The following RHOA variants were observed in gnomAD, a reference collection of about 807,000 sequenced individuals.
The protein encoded by RHOA is ras homolog family member A, also known as transforming protein RhoA.
A neutral mutation model predicts 17.5 loss-of-function variants in RHOA; 3 were observed. The ratio of observed to expected loss-of-function variants is 0.17; its 90% CI spans 0.08 to 0.44. The LOEUF (loss-of-function observed/expected upper bound fraction) is 0.44, where lower values mean the gene tolerates loss of function less well. Among genes scored for constraint, RHOA ranks in the 20% least tolerant of loss-of-function variants. The pLI is 0.99. For missense variants in RHOA, 56 were observed against 242.3 expected, an observed-to-expected ratio of 0.23 and a Z score of 5.10; for synonymous variants, 98 against 88.4, an observed-to-expected ratio of 1.11 and a Z score of -0.61.
At chr3:49,407,011 C>CA (rs982564275) in intron 1 of RHOA, among the ~76,000 whole-genome samples, 3 of 151,032 alleles carry the variant, frequency 2.0e-5, no homozygotes, top group Non-Finnish European at 3.0e-5. Flanking sequence ...GGCATGGTCA[C>CA]ACACACACAC....
chr3:49,407,240 T>G lies in RHOA; in HGVS notation c.-3+4580A>C, dbSNP rs976225843. Among the ~76,000 whole-genome samples, 3 of 139,176 alleles carry G rather than the reference T, an allele frequency of 2.2e-5. 1 individual carries two copies. Among genetic ancestry groups the G allele is most frequent in the Non-Finnish European group, 4.7e-5 (3 of 63,672 alleles). The allele number at this position is 139,176 out of a possible 152,430, so 91.3% of individuals were successfully genotyped here. On this transcript the variant is annotated intron_variant, in intron 1 of 4. Coordinates refer to ENST00000418115, the MANE Select transcript of RHOA (RefSeq NM_001664.4). The stretch of plus-strand genomic sequence containing the variant: ...ATTATGAAATCCTTTCCGTTTTTTT[T>G]TTTTTTTTTTTTTTTTTGAGTCTTG...
intron 1 of RHOA, among the ~76,000 whole-genome samples, chr3:49,385,506 G>A (rs914586006): frequency 3.3e-5 from 5 of 151,862 alleles, no homozygotes; most frequent in Non-Finnish European, 7.4e-5. Flanking sequence ...ATGAGCCACC[G>A]CACCCAGCCC....
At chr3:49,405,306 T>C (rs2107908943) in intron 1 of RHOA, among the ~76,000 whole-genome samples, 1 of 148,056 alleles carries the variant, frequency 6.8e-6, no homozygotes, top group Non-Finnish European at 1.5e-5. Flanking sequence ...GTGACATGCC[T>C]GTAAACCCCA....
At chr3:49,373,334 ACT>A (rs1223779606) in intron 2 of RHOA, 1 of 194,074 alleles carries the variant, frequency 5.2e-6, no homozygotes, top group African/African-American at 2.4e-5. Context: ...ATAGAGGGAG[ACT>A]CTGTCTCTAG....
intron 1 of RHOA, among the ~76,000 whole-genome samples, chr3:49,387,364 A>T (rs2048415740): frequency 6.6e-6 from 1 of 150,778 alleles, no homozygotes; most frequent in Admixed American, 6.7e-5. Context: ...AAATTGCTTG[A>T]ACCTGAGAAG....
intron 1 of RHOA, among the ~76,000 whole-genome samples, chr3:49,385,514 C>T (rs1226094665): frequency 6.6e-6 from 1 of 152,058 alleles, no homozygotes; most frequent in African/African-American, 2.4e-5. Flanking sequence ...CCGCACCCAG[C>T]CCCCATTGCC....
At chr3:49,405,501 CTCACTGAAA>C (rs1403086335) in intron 1 of RHOA, among the ~76,000 whole-genome samples, 1 of 152,136 alleles carries the variant, frequency 6.6e-6, no homozygotes, top group Non-Finnish European at 1.5e-5. Context: ...GTGCTTCTCT[CTCACTGAAA>C]TCTCATGGCG....
chr3:49,393,617 T>A (rs2048550542), intron 1 of RHOA, among the ~76,000 whole-genome samples: 1 of 104,756 alleles, frequency 9.5e-6, no homozygotes, highest in Non-Finnish European at 2.0e-5. Context: ...TTTTTTTTTT[T>A]AAGAGGCTCA....
intron 1 of RHOA, among the ~76,000 whole-genome samples, chr3:49,394,389 T>A (rs908104459): frequency 1.3e-5 from 2 of 151,888 alleles, no homozygotes; most frequent in Admixed American, 1.3e-4. Context: ...CTCTCTCTGT[T>A]GCCCAGGCTG....
At chr3:49,365,794 T>C (rs961309944) in intron 3 of RHOA, among the ~76,000 whole-genome samples, 1 of 152,002 alleles carries the variant, frequency 6.6e-6, no homozygotes, top group Non-Finnish European at 1.5e-5. Context: ...TTTCACCATG[T>C]TGGCCAGGCT....
intron 1 of RHOA, among the ~76,000 whole-genome samples, chr3:49,396,471 A>G (rs1307530515): frequency 6.6e-6 from 1 of 152,038 alleles, no homozygotes; most frequent in Non-Finnish European, 1.5e-5. Flanking sequence ...GTACTTTGGA[A>G]GCCAAGGTGG....
intron 3 of RHOA, among the ~76,000 whole-genome samples, chr3:49,367,342 CAAAAAAAAAAAAAA>C (rs62926260): frequency 2.5e-5 from 2 of 80,482 alleles, no homozygotes; most frequent in African/African-American, 1.0e-4. Context: ...GACTCCCTCT[CAAAAAAAAAAAAAA>C]AAAAAAAAAA....
chr3:49,367,371 A>C (rs1384120959), intron 3 of RHOA, among the ~76,000 whole-genome samples: 1 of 149,988 alleles, frequency 6.7e-6, no homozygotes, highest in Non-Finnish European at 1.5e-5. Flanking sequence ...AAAAAAGAAT[A>C]CTGACTTACT....
intron 2 of RHOA, among the ~76,000 whole-genome samples, chr3:49,374,073 G>A (rs994166105): frequency 2.0e-5 from 3 of 152,084 alleles, no homozygotes; most frequent in Non-Finnish European, 4.4e-5. Flanking sequence ...TCTTTTGGCC[G>A]GGCACAGTGG....
chr3:49,393,595 CTTTTTTTT>C (rs34715210), intron 1 of RHOA, among the ~76,000 whole-genome samples: 1 of 97,960 alleles, frequency 1.0e-5, no homozygotes, highest in Non-Finnish European at 1.9e-5. Context: ...ACTGCACTGG[CTTTTTTTT>C]TTTTTTTTTT....
rs916482959 is a variant in RHOA, at chr3:49,373,554, C to T, written c.156+1880G>A. 7.2e-5 allele frequency among the ~76,000 whole-genome samples: 11 copies of T among 152,312 alleles called. 1 individual carries two copies. The highest frequency in any genetic ancestry group is 3.3e-4 in the Admixed American group (5 of 15,286). On this transcript the variant is annotated intron_variant, in intron 2 of 4. Coordinates refer to ENST00000418115, the MANE Select transcript of RHOA (RefSeq NM_001664.4). ...TAGGAGAGCTGGGCACGCTGGCTTG[C>T]GCCTGTAAGCCCAGCCACTTGGGGC...
chr3:49,388,709 C>G (rs1278941278), intron 1 of RHOA, among the ~76,000 whole-genome samples: 1 of 152,172 alleles, frequency 6.6e-6, no homozygotes, highest in Non-Finnish European at 1.5e-5. Context: ...AATGGGCCAG[C>G]CCACTAATAA....
rs1052141825 is a variant in RHOA at position 49,408,232 on chromosome 3, G to A, written c.-3+3588C>T. Among the ~76,000 whole-genome samples the A allele has an allele frequency of 4.8e-5, 7 of 145,896 alleles. No homozygotes were observed. In the East Asian group the frequency reaches 5.9e-4, roughly 12 times the overall value. ...CACGTATATGTACACATATATATAC[G>A]TATACACGTATATGTACACATATAT... On this transcript the variant is annotated intron_variant, in intron 1 of 4. Transcript: ENST00000418115.
chr3:49,403,632 C>T (rs1408334258), intron 1 of RHOA, among the ~76,000 whole-genome samples: 2 of 151,996 alleles, frequency 1.3e-5, no homozygotes, highest in Non-Finnish European at 2.9e-5. Flanking sequence ...GAGGCTAAAG[C>T]AGAGAATTCT....
Sources: allele counts gnomAD v4.1 joint callset (sites outside exome capture counted in the v4.1 genomes callset), GRCh38; gene constraint gnomAD v4.1.1; transcripts MANE v1.5; gene names NCBI Gene and HGNC (gene_info 2026-07-23, HGNC 2026-07-21).